Variants in NALCN observed in about 807,000 individuals in gnomAD.
NALCN encodes sodium leak channel, non-selective.
NALCN carries 111 observed loss-of-function variants against 225.3 expected under a neutral mutation model. That is an observed-to-expected ratio of 0.49 (90% CI 0.42 to 0.58). NALCN has a LOEUF of 0.58. NALCN is among the 20% of genes least tolerant of loss of function. The pLI, the probability that NALCN is intolerant of heterozygous loss-of-function variation, is 0.00. For synonymous variants in NALCN, 764 were observed against 769.0 expected, an observed-to-expected ratio of 0.99 and a Z score of 0.11; for missense variants, 1,378 against 2,202.4, an observed-to-expected ratio of 0.63 and a Z score of 7.49.
At chr13:101,102,814 A>T (rs2034894946) in intron 26 of NALCN, among the ~76,000 whole-genome samples, 1 of 152,190 alleles carries the variant, frequency 6.6e-6, no homozygotes, top group Non-Finnish European at 1.5e-5. Flanking sequence ...TGAATTCCTA[A>T]TCCCATTTGT....
chr13:101,130,906 C>T (rs140104264), intron 17 of NALCN, among the ~76,000 whole-genome samples: 162 of 152,126 alleles, frequency 1.1e-3, no homozygotes, highest in African/African-American at 3.4e-3. Flanking sequence ...GTTTAGTATA[C>T]GTTTTATTCT....
chr13:101,095,631 A>C lies in NALCN; in HGVS notation c.3212T>G (p.Leu1071Ter), dbSNP rs1416409571. 2 of 1,613,440 alleles carry C rather than the reference A, an allele frequency of 1.2e-6. No homozygotes were observed. Among genetic ancestry groups the C allele is most frequent in the African/African-American group, 2.7e-5 (2 of 74,892 alleles). ...FRINVSVSKNLNLKLRPGEKK... is the reference protein window; with the variant it reads ...FRINVSVSKN ...CTCTCCAGGCCTCAATTTTAAATTTAAGTTCTTTGACACACTGACATTAAT... is the reference window on the plus strand; with the variant it reads ...CTCTCCAGGCCTCAATTTTAAATTTCAGTTCTTTGACACACTGACATTAAT... The change falls in exon 28 of 44, where the codon TTA becomes TGA. Residue 1071 changes from leucine (L) to a stop codon, truncating the protein, a stop_gained. Coordinates refer to ENST00000251127, the MANE Select transcript of NALCN (RefSeq NM_052867.4). LOFTEE classifies it high-confidence loss of function.
At chr13:101,290,370 G>A (rs929801323) in intron 9 of NALCN, among the ~76,000 whole-genome samples, 1 of 152,108 alleles carries the variant, frequency 6.6e-6, no homozygotes, top group African/African-American at 2.4e-5. Flanking sequence ...TTCCATTTAG[G>A]TCTCAAAGTC....
intron 13 of NALCN, among the ~76,000 whole-genome samples, chr13:101,228,823 G>C (rs1418030910): frequency 2.6e-5 from 4 of 151,982 alleles, no homozygotes; most frequent in Non-Finnish European, 4.4e-5. Context: ...AGTCCACATA[G>C]AGTTAAATTT....
intron 14 of NALCN, chr13:101,180,731 C>T (rs1046233381): frequency 4.4e-6 from 1 of 227,176 alleles, no homozygotes; most frequent in African/African-American, 2.2e-5. Context: ...CATCAGGTTC[C>T]AAGAAGAATT....
chr13:101,343,597 G>C (rs1275135859), intron 7 of NALCN, among the ~76,000 whole-genome samples: 2 of 152,186 alleles, frequency 1.3e-5, no homozygotes, highest in Non-Finnish European at 1.5e-5. Context: ...ACTTGAAGAC[G>C]AAAAGATGCA....
chr13:101,201,090 A>G (rs747405034), intron 13 of NALCN, among the ~76,000 whole-genome samples: 64 of 152,296 alleles, frequency 4.2e-4, no homozygotes, highest in Non-Finnish European at 6.9e-4. Context: ...GTATACAATA[A>G]ACCTGTAACT....
At chr13:101,239,091 T>C (rs1451843651) in intron 11 of NALCN, among the ~76,000 whole-genome samples, 1 of 151,962 alleles carries the variant, frequency 6.6e-6, no homozygotes, top group African/African-American at 2.4e-5. Context: ...ATGAACTCCT[T>C]TGCCCACGTT....
chr13:101,118,890 G>A (rs868851125), intron 18 of NALCN, among the ~76,000 whole-genome samples: 9 of 152,258 alleles, frequency 5.9e-5, no homozygotes, highest in South Asian at 4.1e-4. Context: ...TCCAGGGGAC[G>A]CTGTAAGGTA....
At chr13:101,208,579 G>A (rs185508062) in intron 13 of NALCN, among the ~76,000 whole-genome samples, 2 of 152,296 alleles carry the variant, frequency 1.3e-5, no homozygotes, top group East Asian at 3.9e-4. Flanking sequence ...TGGTTTGCAT[G>A]TGTGTCCTTT....
chr13:101,111,422 A>C (rs1566826050), intron 18 of NALCN, among the ~76,000 whole-genome samples, 196 bp from the exon 19 acceptor site: 1 of 152,228 alleles, frequency 6.6e-6, no homozygotes, highest in African/African-American at 2.4e-5. Context: ...GAAGTATCAC[A>C]GCTATGAAGA....
intron 7 of NALCN, among the ~76,000 whole-genome samples, chr13:101,306,426 C>A (rs931547479): frequency 1.3e-5 from 2 of 152,174 alleles, no homozygotes; most frequent in Admixed American, 6.5e-5. Flanking sequence ...GGTTGTTTTA[C>A]CCTCTATGTC....
rs1264839981 is a variant in NALCN, at chr13:101,291,966, A to G, written c.1047+24T>C. 2.5e-6 allele frequency: 4 copies of G among 1,611,650 alleles called. No homozygotes were observed. In the African/African-American group the frequency reaches 5.3e-5, roughly 22 times the overall value. ...ACATGTGCATGCTCGAATGGGTTAT[A>G]ACATCCTCTTGCTGATAGCGTACCT... On this transcript the variant is annotated intron_variant, in intron 9 of 43. Transcript: ENST00000251127.
At chr13:101,070,016 C>T (rs2032732392) in intron 37 of NALCN, among the ~76,000 whole-genome samples, 3 of 148,996 alleles carry the variant, frequency 2.0e-5, no homozygotes, top group African/African-American at 2.5e-5. Context: ...CTTCCAAATT[C>T]CTGTTAATGT....
intron 14 of NALCN, among the ~76,000 whole-genome samples, chr13:101,186,449 A>G (rs2039450617): frequency 6.6e-6 from 1 of 152,210 alleles, no homozygotes. Context: ...CACTTCATAA[A>G]GCCCATTACA....
At chr13:101,206,549 C>T (rs1172372328) in intron 13 of NALCN, among the ~76,000 whole-genome samples, 1 of 151,540 alleles carries the variant, frequency 6.6e-6, no homozygotes, top group East Asian at 1.9e-4. Flanking sequence ...TTTACCTGTT[C>T]ATGTACTTGC....
chr13:101,296,784 T>C (rs528668975), intron 7 of NALCN, among the ~76,000 whole-genome samples: 1 of 152,334 alleles, frequency 6.6e-6, no homozygotes, highest in South Asian at 2.1e-4. Flanking sequence ...AAATTAAAGC[T>C]GTGCAAGAAA....
intron 39 of NALCN, 118 bp from the exon 40 acceptor site, chr13:101,065,679 G>A (rs2032323070): frequency 1.6e-6 from 2 of 1,281,482 alleles, no homozygotes; most frequent in African/African-American, 3.0e-5. Context: ...AGCACCAGAT[G>A]TGAAGAAAGC....
chr13:101,147,548 T>A (rs1481683400), intron 15 of NALCN, among the ~76,000 whole-genome samples: 1 of 151,668 alleles, frequency 6.6e-6, no homozygotes, highest in Non-Finnish European at 1.5e-5. Flanking sequence ...ACTTTTGTTT[T>A]AACAAACAAA....
Sources: allele counts gnomAD v4.1 joint callset (sites outside exome capture counted in the v4.1 genomes callset), GRCh38; gene constraint gnomAD v4.1.1; transcripts MANE v1.5; gene names NCBI Gene and HGNC (gene_info 2026-07-23, HGNC 2026-07-21).